STX8: variants seen among roughly 807,000 people sequenced by gnomAD.
STX8 encodes the protein syntaxin-8.
Under a neutral mutation model 37.5 loss-of-function variants are expected in STX8, and 23 were observed. That is an observed-to-expected ratio of 0.61 (90% CI 0.44 to 0.87). The LOEUF is 0.87. Ranked by LOEUF, STX8 falls within the 40% of genes least tolerant of loss-of-function variation. STX8 has a pLI of 0.00. For missense variants in STX8, 313 were observed against 284.7 expected (o/e 1.10, Z -0.71); for synonymous variants, 115 against 99.1 (o/e 1.16, Z -0.95).
chr17:9,359,749 C>A (rs1911001780), intron 7 of STX8, among the ~76,000 whole-genome samples: 1 of 152,026 alleles, frequency 6.6e-6, no homozygotes, highest in African/African-American at 2.4e-5. Context: ...AGCTCGTGAT[C>A]CGCCCGCCTT....
At chr17:9,279,209 C>T (rs1210665004) in intron 7 of STX8, among the ~76,000 whole-genome samples, 2 of 152,064 alleles carry the variant, frequency 1.3e-5, no homozygotes, top group African/African-American at 4.8e-5. Context: ...AGGCACCCGC[C>T]ACCACGCCTG....
intron 6 of STX8, among the ~76,000 whole-genome samples, chr17:9,407,763 C>T (rs1339884545): frequency 3.3e-5 from 5 of 152,120 alleles, no homozygotes; most frequent in Non-Finnish European, 7.4e-5. Context: ...TGTCTAAAGA[C>T]CTGGGATTGA....
intron 6 of STX8, among the ~76,000 whole-genome samples, chr17:9,441,079 C>A (rs909198400): frequency 6.6e-6 from 1 of 152,104 alleles, no homozygotes; most frequent in Non-Finnish European, 1.5e-5. Flanking sequence ...AAACTCAGGC[C>A]AAATGAGAGG....
chr17:9,549,951 C>T (rs370776493), intron 3 of STX8, among the ~76,000 whole-genome samples: 4 of 152,048 alleles, frequency 2.6e-5, no homozygotes, highest in East Asian at 1.9e-4. Context: ...AGGCCAAGCG[C>T]GGTGGCTCAA....
intron 7 of STX8, among the ~76,000 whole-genome samples, chr17:9,255,452 G>A (rs570370133): frequency 2.2e-4 from 34 of 152,002 alleles, no homozygotes; most frequent in African/African-American, 4.6e-4. Flanking sequence ...ACTTGAACTC[G>A]GGAGGCGGAG....
At chr17:9,467,306 A>T (rs9895062) in intron 6 of STX8, 1 of 152,070 alleles carries the variant, frequency 6.6e-6, no homozygotes, top group Non-Finnish European at 1.5e-5. Flanking sequence ...TAATTTGCCA[A>T]ATCCTAGAGG....
In STX8 at chr17:9,514,716, G is replaced by A. The variant is rs547420831; in HGVS notation, c.324-9554C>T. The stretch of plus-strand genomic sequence containing the variant: ...TTGCCCTGTACAGACACGGCTCCAG[G>A]TGATTTATATATATTCACTCATATC... On this transcript the variant is annotated intron_variant, in intron 4 of 7. Transcript: ENST00000306357. Among the ~76,000 whole-genome samples, 140 of 152,190 alleles carry A rather than the reference G, an allele frequency of 9.2e-4. 1 individual carries two copies. The highest frequency in any genetic ancestry group is 1.6e-3 in the Non-Finnish European group (107 of 68,030).
At chr17:9,359,188 G>A (rs911383195) in intron 7 of STX8, among the ~76,000 whole-genome samples, 3 of 151,922 alleles carry the variant, frequency 2.0e-5, no homozygotes, top group Admixed American at 6.6e-5. Context: ...GATTACAGGC[G>A]CCTGCCACCA....
intron 6 of STX8, among the ~76,000 whole-genome samples, chr17:9,428,472 C>T (rs1913722391): frequency 1.3e-5 from 2 of 152,186 alleles, no homozygotes; most frequent in Non-Finnish European, 2.9e-5. Flanking sequence ...GATCTCCTGA[C>T]CTTGTGATCC....
At chr17:9,551,696 C>A (rs1484929919) in intron 3 of STX8, among the ~76,000 whole-genome samples, 1 of 152,102 alleles carries the variant, frequency 6.6e-6, no homozygotes, top group Admixed American at 6.5e-5. Context: ...AATAACCTGG[C>A]AAAGTATGAT....
chr17:9,462,552 T>A (rs1489089824), intron 6 of STX8, among the ~76,000 whole-genome samples: 1 of 152,078 alleles, frequency 6.6e-6, no homozygotes, highest in African/African-American at 2.4e-5. Flanking sequence ...TGAAACCCTG[T>A]CTCTACTAAA....
At chr17:9,361,970 T>C (rs1418964290) in intron 7 of STX8, among the ~76,000 whole-genome samples, 1 of 152,260 alleles carries the variant, frequency 6.6e-6, no homozygotes, top group Admixed American at 6.5e-5. Context: ...GCATCAAATC[T>C]GTACCCAAAA....
intron 7 of STX8, among the ~76,000 whole-genome samples, chr17:9,324,799 G>T (rs1457735612): frequency 2.0e-5 from 3 of 151,316 alleles, no homozygotes; most frequent in Non-Finnish European, 4.4e-5. Flanking sequence ...AGAAGAGCTG[G>T]GTCAGCATCA....
At chr17:9,262,574 GTT>G (rs1390751958) in intron 7 of STX8, among the ~76,000 whole-genome samples, 1 of 146,782 alleles carries the variant, frequency 6.8e-6, no homozygotes, top group Admixed American at 6.7e-5. Flanking sequence ...TGTTTTTTTT[GTT>G]TTGTTTTGTT....
chr17:9,473,594 T>C (rs1905970677), intron 6 of STX8, among the ~76,000 whole-genome samples: 1 of 152,198 alleles, frequency 6.6e-6, no homozygotes, highest in Non-Finnish European at 1.5e-5. Flanking sequence ...GATGTTACGC[T>C]ATATGGTTTA....
chr17:9,271,904 G>A (rs1048218502), intron 7 of STX8, among the ~76,000 whole-genome samples: 14 of 152,126 alleles, frequency 9.2e-5, no homozygotes, highest in Non-Finnish European at 1.5e-4. Flanking sequence ...AGAAGAAACC[G>A]TGGCTTTCTC....
At position 9,285,520 on chromosome 17, in the gene STX8, G is replaced by C. The variant is rs567799456; in HGVS notation, c.644-34875C>G. Among the ~76,000 whole-genome samples the C allele has an allele frequency of 3.3e-5, 5 of 152,266 alleles. No individual in the cohort carries two copies. In the South Asian group the frequency reaches 1.0e-3, roughly 32 times the overall value. ...ACATTTCCTGGTCTGACCTAGATGG[G>C]CCTTTTCTCTAAGGCCGGCCTCCAG... is the stretch of plus-strand genomic sequence containing the variant. On this transcript the variant is annotated intron_variant, in intron 7 of 7. Coordinates refer to ENST00000306357, the MANE Select transcript of STX8 (RefSeq NM_004853.3).
intron 4 of STX8, among the ~76,000 whole-genome samples, chr17:9,510,335 T>C (rs571362876): frequency 1.3e-5 from 2 of 152,312 alleles, no homozygotes; most frequent in East Asian, 3.9e-4. Flanking sequence ...ATATACATTC[T>C]TGTCAACAGC....
At chr17:9,483,773 A>G (rs888864263) in intron 6 of STX8, among the ~76,000 whole-genome samples, 7 of 151,686 alleles carry the variant, frequency 4.6e-5, no homozygotes, top group Non-Finnish European at 1.5e-5. Flanking sequence ...TTTCCTTATC[A>G]CTCTGGTTCC....
Sources: gnomAD v4.1 joint callset for allele counts (sites outside exome capture counted in the v4.1 genomes callset) on GRCh38, gnomAD v4.1.1 for gene constraint, MANE v1.5 for transcripts, NCBI Gene and HGNC (gene_info 2026-07-23, HGNC 2026-07-21) for gene names.